The following XPO4 variants were observed in gnomAD, a reference collection of about 807,000 sequenced individuals.
XPO4 encodes the protein exportin-4.
Under a neutral mutation model 143.0 loss-of-function variants are expected in XPO4, and 39 were observed. The ratio of observed to expected loss-of-function variants is 0.27; its 90% CI spans 0.21 to 0.36. The LOEUF is 0.36. Ranked by LOEUF, XPO4 falls within the 10% of genes least tolerant of loss-of-function variation. The pLI is 1.00. For missense variants in XPO4, 907 were observed against 1,348.0 expected (o/e 0.67, Z 5.12); for synonymous variants, 439 against 474.0 (o/e 0.93, Z 0.96).
intron 10 of XPO4, 27 bp downstream of exon 10, chr13:20,809,764 T>C (rs1387443421): frequency 1.3e-6 from 2 of 1,580,122 alleles, no homozygotes; most frequent in Non-Finnish European, 1.7e-6. Flanking sequence ...AAATAGACTG[T>C]TAATTACCAT....
intron 1 of XPO4, among the ~76,000 whole-genome samples, chr13:20,887,781 A>T (rs2060474561): frequency 6.6e-6 from 1 of 152,006 alleles, no homozygotes; most frequent in South Asian, 2.1e-4. Context: ...GAATCACTCG[A>T]ATTCGGGAGG....
chr13:20,843,916 A>T (rs753500279), intron 4 of XPO4, 30 bp from the exon 5 acceptor site: 16 of 1,514,782 alleles, frequency 1.1e-5, no homozygotes, highest in Middle Eastern at 1.7e-4. Context: ...AATAATTGTG[A>T]GGCATTACTG....
intron 18 of XPO4, 139 bp from the exon 19 acceptor site, chr13:20,790,719 C>A: frequency 2.9e-6 from 2 of 681,526 alleles, no homozygotes; most frequent in Non-Finnish European, 5.0e-6. Flanking sequence ...CTGACCTCGT[C>A]CTGCCTGGTC....
At chr13:20,863,107 T>C (rs2060216261) in intron 2 of XPO4, 2 of 1,160,570 alleles carry the variant, frequency 1.7e-6, no homozygotes, top group Non-Finnish European at 2.1e-6. Context: ...CAACTGTTAC[T>C]TCCAAAGCAT....
intron 22 of XPO4, among the ~76,000 whole-genome samples, chr13:20,784,567 C>G (rs768620436): frequency 1.1e-4 from 16 of 152,140 alleles, no homozygotes; most frequent in Non-Finnish European, 1.5e-4. Flanking sequence ...TTTTAATACT[C>G]TATTATAAAG....
rs1440970929 is a variant in XPO4, at chr13:20,826,507, TTTCCCCGAGGC to T, written c.840+549_840+559del. 3.3e-5 allele frequency among the ~76,000 whole-genome samples: 5 copies of T among 152,150 alleles called. 1 individual carries two copies. The East Asian group carries it at 7.7e-4, about 23-fold the overall frequency. ...ACTGTCACACAGGTAAAAAGTGGAATTTCCCCGAGGCCACACGATGTGCGATACTGCAACTA... is the reference window on the plus strand; with the variant it reads ...ACTGTCACACAGGTAAAAAGTGGAATCACACGATGTGCGATACTGCAACTA... On this transcript the variant is annotated intron_variant, in intron 7 of 22. Coordinates refer to ENST00000255305, the MANE Select transcript of XPO4 (RefSeq NM_022459.5).
rs373471689 is a variant in XPO4, at chr13:20,799,260, A to G, written c.2227T>C (p.Leu743=). ...AATGTCCTCTGCACAGGACTTGACA[A>G]GAAATTAAGAGGTGGGCTTCGGCTT... The part of the protein sequence containing the change: ...FASRSPPLNF[L]SSPVQRTLMK... The change falls in exon 16 of 23, where the codon TTG becomes CTG. Residue 743 remains leucine, a synonymous_variant. Coordinates refer to ENST00000255305, the MANE Select transcript of XPO4 (RefSeq NM_022459.5). 17 of 1,614,012 alleles carry G rather than the reference A, an allele frequency of 1.1e-5. No homozygotes were observed. Among genetic ancestry groups the G allele is most frequent in the Non-Finnish European group, 1.4e-5 (16 of 1,180,006 alleles).
At chr13:20,863,462 C>A (rs2060219093) in intron 2 of XPO4, among the ~76,000 whole-genome samples, 1 of 152,182 alleles carries the variant, frequency 6.6e-6, no homozygotes, top group Non-Finnish European at 1.5e-5. Context: ...ACTGATCAAA[C>A]TGAGTAAAAT....
intron 5 of XPO4, among the ~76,000 whole-genome samples, chr13:20,843,491 T>C (rs1456958042): frequency 6.6e-6 from 1 of 152,180 alleles, no homozygotes; most frequent in Non-Finnish European, 1.5e-5. Flanking sequence ...TCCCTTCAAT[T>C]GAATTAGTTA....
intron 1 of XPO4, among the ~76,000 whole-genome samples, chr13:20,880,829 G>T (rs2060401786): frequency 6.6e-6 from 1 of 151,904 alleles, no homozygotes; most frequent in Admixed American, 6.6e-5. Flanking sequence ...CTGGTGGCTT[G>T]CACCTGTAGT....
intron 4 of XPO4, among the ~76,000 whole-genome samples, chr13:20,845,032 G>A (rs900623963): frequency 6.6e-6 from 1 of 152,132 alleles, no homozygotes; most frequent in African/African-American, 2.4e-5. Flanking sequence ...AATCAGCTAG[G>A]CATGATGGCA....
At chr13:20,865,972 G>GTTTTT in intron 2 of XPO4, 1 of 918,438 alleles carries the variant, frequency 1.1e-6, no homozygotes, top group Non-Finnish European at 1.3e-6. Flanking sequence ...GTTTTGTTTT[G>GTTTTT]GCACTTGTGA....
In XPO4 at chr13:20,800,873, C is replaced by A. The variant is rs761033744; in HGVS notation, c.1935G>T (p.Trp645Cys). The change falls in exon 14 of 23, where the codon TGG becomes TGT. Residue 645 changes from tryptophan (W) to cysteine (C), a missense_variant. Transcript: ENST00000255305. ...CATCCACCAGGAGATAAGTCTTTGC[C>A]CAGCGTTTTAAAAACCAAACAATAT... ...GKDIVWFLKR[W>C]AKTYLLVDEK... 1.9e-6 allele frequency: 3 copies of A among 1,613,764 alleles called. No homozygotes were observed. Among genetic ancestry groups the A allele is most frequent in the East Asian group, 2.2e-5 (1 of 44,850 alleles).
intron 3 of XPO4, chr13:20,856,794 C>T (rs1410764595): frequency 3.1e-6 from 3 of 969,422 alleles, no homozygotes; most frequent in Admixed American, 6.2e-5. Context: ...TCACTCCACA[C>T]TCTTTTGACT....
At chr13:20,819,149 T>A (rs2059687145) in intron 9 of XPO4, among the ~76,000 whole-genome samples, 1 of 152,008 alleles carries the variant, frequency 6.6e-6, no homozygotes, top group African/African-American at 2.4e-5. Context: ...ATGCAGTTAA[T>A]CCACGTCATA....
chr13:20,899,800 T>G (rs987693646), intron 1 of XPO4, among the ~76,000 whole-genome samples: 1 of 152,172 alleles, frequency 6.6e-6, no homozygotes, highest in African/African-American at 2.4e-5. Flanking sequence ...ATATTAACAG[T>G]TAAAATACAG....
chr13:20,788,446 C>T, intron 20 of XPO4, 40 bp downstream of exon 20: 3 of 1,575,502 alleles, frequency 1.9e-6, no homozygotes, highest in Non-Finnish European at 2.6e-6. Context: ...GATCTTTTTC[C>T]CCAAGTAACA....
chr13:20,881,639 T>C (rs2138159175), intron 1 of XPO4, among the ~76,000 whole-genome samples: 1 of 152,210 alleles, frequency 6.6e-6, no homozygotes, highest in East Asian at 1.9e-4. Context: ...GAAATATAAA[T>C]ATCAATAGAC....
At chr13:20,788,352 T>A (rs1349261361) in intron 20 of XPO4, 134 bp downstream of exon 20, 1 of 1,247,732 alleles carries the variant, frequency 8.0e-7, no homozygotes, top group African/African-American at 1.6e-5. Flanking sequence ...CCACCGTGCC[T>A]GGCCCAGGGT....
Sources: allele counts gnomAD v4.1 joint callset (sites outside exome capture counted in the v4.1 genomes callset), GRCh38; gene constraint gnomAD v4.1.1; transcripts MANE v1.5; gene names NCBI Gene and HGNC (gene_info 2026-07-23, HGNC 2026-07-21).